PLEKHG6: variants seen among roughly 807,000 people sequenced by gnomAD.
PLEKHG6 encodes pleckstrin homology and RhoGEF domain containing G6.
In PLEKHG6, 91 loss-of-function variants were observed where a neutral mutation model predicts 97.5. The ratio of observed to expected loss-of-function variants is 0.93; its 90% CI spans 0.79 to 1.11. The LOEUF (loss-of-function observed/expected upper bound fraction) is 1.11, where lower values mean the gene tolerates loss of function less well. Ranked by LOEUF, PLEKHG6 falls within the 50% of genes most tolerant of loss-of-function variation. The probability of loss-of-function intolerance (pLI) is 0.00; values close to 1 mark genes in which losing one functional copy is unlikely to be tolerated. For synonymous variants in PLEKHG6, 466 were observed against 425.5 expected, an observed-to-expected ratio of 1.10 and a Z score of -1.17; for missense variants, 1,044 against 1,031.0, an observed-to-expected ratio of 1.01 and a Z score of -0.17.
intron 13 of PLEKHG6, among the ~76,000 whole-genome samples, chr12:6,320,946 C>G (rs1947682050): frequency 6.6e-6 from 1 of 152,162 alleles, no homozygotes; most frequent in Non-Finnish European, 1.5e-5. Context: ...TCTGCAGAAT[C>G]TCAGAGCTGC....
Position 6,312,280 on chromosome 12 carries a change from C to A in PLEKHG6, c.54C>A (p.Ser18=). The part of the protein sequence containing the change: ...HEGPLQGLVA[S]RIETYGGRHR... ...GCCCCCTCCAAGGACTCGTGGCCTC[C>A]CGCATTGAGACTTATGGGGGCCGGC... Residue 18 remains serine (S), a synonymous_variant, in exon 2 of 16, where the codon TCC becomes TCA. Coordinates refer to ENST00000684764, the MANE Select transcript of PLEKHG6 (RefSeq NM_001384598.1). 6.4e-7 allele frequency: 1 copy of A among 1,558,688 alleles called. No individual in the cohort carries two copies.
chr12:6,317,656 G>C lies in PLEKHG6; in HGVS notation c.977G>C (p.Arg326Thr). The C allele has an allele frequency of 1.2e-6, 2 of 1,613,980 alleles. No individual in the cohort carries two copies. Among genetic ancestry groups the C allele is most frequent in the Non-Finnish European group, 1.7e-6 (2 of 1,180,032 alleles). The change falls in exon 9 of 16, where the codon AGG (arginine) becomes ACG (threonine). Residue 326 changes from arginine to threonine, a missense_variant. Coordinates refer to ENST00000684764, the MANE Select transcript of PLEKHG6 (RefSeq NM_001384598.1). ...YPLLLHAVLKRSPEARAQEAL... is the reference protein window; with the variant it reads ...YPLLLHAVLKTSPEARAQEAL... ...CTGCTGCTCCATGCTGTGCTCAAGAGGAGCCCCGAGGCACGAGCCCAAGAG... is the reference window on the plus strand; with the variant it reads ...CTGCTGCTCCATGCTGTGCTCAAGACGAGCCCCGAGGCACGAGCCCAAGAG...
chr12:6,326,629 C>T, intron 14 of PLEKHG6, 56 bp downstream of exon 14: 4 of 1,381,896 alleles, frequency 2.9e-6, no homozygotes, highest in Non-Finnish European at 3.8e-6. Context: ...AGCCATAAGG[C>T]TGAGAAATGG....
At position 6,315,068 on chromosome 12, in the gene PLEKHG6, C is replaced by T. The variant is rs763775454; in HGVS notation, c.358C>T (p.Arg120Trp). 40 of 1,613,658 alleles carry T rather than the reference C, an allele frequency of 2.5e-5. 1 individual carries two copies. The South Asian group carries it at 3.6e-4, about 15-fold the overall frequency. ...LHTFSMFGMP[R>W]LPPEDRRHWE... ...CACTTTCAGCATGTTTGGGATGCCC[C>T]GGCTGCCCCCTGAGGACCGGCGGCA... is the stretch of plus-strand genomic sequence containing the variant. The change falls in exon 4 of 16, where the codon CGG becomes TGG. Residue 120 changes from arginine to tryptophan, a missense_variant. Coordinates refer to ENST00000684764, the MANE Select transcript of PLEKHG6 (RefSeq NM_001384598.1). This position sits in a 1 kb window ranked among gnomAD's most constrained non-coding sequence, Gnocchi z 4.5.
intron 13 of PLEKHG6, among the ~76,000 whole-genome samples, chr12:6,323,568 G>A (rs1047173861): frequency 6.6e-6 from 1 of 152,230 alleles, no homozygotes; most frequent in Non-Finnish European, 1.5e-5. Context: ...GAATGCCCAG[G>A]GACTGAGAAG....
chr12:6,314,513 GA>G (rs768263395), intron 3 of PLEKHG6, among the ~76,000 whole-genome samples: 6 of 145,800 alleles, frequency 4.1e-5, no homozygotes, highest in Non-Finnish European at 6.1e-5. Flanking sequence ...GTCTCAAAAG[GA>G]AAAAAAAAAG....
rs752710703 is a variant in PLEKHG6 at position 6,318,354 on chromosome 12, A to C, written c.1209A>C (p.Ala403=). 1 of 1,613,992 alleles carries C rather than the reference A, an allele frequency of 6.2e-7. No individual in the cohort carries two copies. The highest frequency in any genetic ancestry group is 1.3e-5 in the African/African-American group (1 of 75,032). Residue 403 remains alanine (A), a synonymous_variant, in exon 11 of 16, where the codon GCA becomes GCC. Transcript: ENST00000684764. ...TGACGTCCCCCATGCTGGGGGTTGC[A>C]TCTGAGCACACCAGACAGCTGCTGC... is the stretch of plus-strand genomic sequence containing the variant. The part of the protein sequence containing the change: ...LDLTSPMLGV[A]SEHTRQLLLE...
At chr12:6,312,021 C>T in intron 1 of PLEKHG6, 138 bp from the exon 2 acceptor site, 1 of 474,204 alleles carries the variant, frequency 2.1e-6, no homozygotes, top group Non-Finnish European at 3.7e-6. Context: ...CATGTTCCCC[C>T]CAACAAGTGA....
At chr12:6,326,366 C>T (rs1172045047) in intron 13 of PLEKHG6, 62 bp from the exon 14 acceptor site, 4 of 1,252,204 alleles carry the variant, frequency 3.2e-6, no homozygotes, top group East Asian at 2.3e-5. Flanking sequence ...TAGCAGGGTG[C>T]CTGGCAAACA....
rs746282288 is a variant in PLEKHG6, at chr12:6,317,365, C to T, written c.819C>T (p.Tyr273=). 1.6e-5 allele frequency: 26 copies of T among 1,613,948 alleles called. No homozygotes were observed. Among genetic ancestry groups the T allele is most frequent in the Admixed American group, 8.3e-5 (5 of 59,998 alleles). ...YCLRVKQTMA[Y]AREQQETNPL... is the part of the protein sequence containing the mutation. ...TCCGAGTGAAGCAGACCATGGCTTACGCCCGAGAACAGCAAGAAACTAACC... is the reference window on the plus strand; with the variant it reads ...TCCGAGTGAAGCAGACCATGGCTTATGCCCGAGAACAGCAAGAAACTAACC... The change falls in exon 8 of 16, where the codon TAC becomes TAT. Residue 273 remains tyrosine, a synonymous_variant. Transcript: ENST00000684764.
chr12:6,313,323 C>T lies in PLEKHG6; in HGVS notation c.139-306C>T, dbSNP rs1048458976. ...GAGAGCAGGAGGCAGTGGGGGCACA[C>T]ACACCAGAGCCCAGGCATGTGTGTG... is the stretch of plus-strand genomic sequence containing the variant. On this transcript the variant is annotated intron_variant, in intron 2 of 15. Coordinates refer to ENST00000684764, the MANE Select transcript of PLEKHG6 (RefSeq NM_001384598.1). The T allele has an allele frequency of 6.9e-6, 6 of 870,680 alleles. No homozygotes were observed. The Admixed American group carries it at 1.0e-4, about 15-fold the overall frequency. 53.9% of individuals were successfully genotyped at this position (870,680 alleles called of 1,614,324 possible).
intron 13 of PLEKHG6, among the ~76,000 whole-genome samples, chr12:6,323,042 C>T (rs56314433): frequency 2.6e-5 from 4 of 151,688 alleles, no homozygotes; most frequent in Admixed American, 1.3e-4. Context: ...TTTTTTCCTT[C>T]GGAACTGCCA....
chr12:6,312,508 G>A, intron 2 of PLEKHG6, 144 bp downstream of exon 2: 3 of 1,126,050 alleles, frequency 2.7e-6, no homozygotes, highest in South Asian at 3.7e-5. Context: ...TTGCGGGAAA[G>A]AGGAGGGCAG....
chr12:6,315,197 T>G lies in PLEKHG6; in HGVS notation c.459+28T>G. ...GAGCCTGAAACTCACAAGGTGAGTC[T>G]GTCCCCACGGCGTGAATGCACACAC... On this transcript the variant is annotated intron_variant, in intron 4 of 15. Transcript: ENST00000684764. The surrounding 1 kb of genome is among the most constrained non-coding windows in gnomAD (Gnocchi z 4.5). 1.3e-6 allele frequency: 2 copies of G among 1,598,208 alleles called. No homozygotes were observed. The highest frequency in any genetic ancestry group is 4.5e-5 in the East Asian group (2 of 44,640).
intron 2 of PLEKHG6, chr12:6,313,201 C>T (rs1315361292): frequency 4.8e-5 from 74 of 1,547,340 alleles, no homozygotes; most frequent in Non-Finnish European, 6.4e-5. Flanking sequence ...GTGCCCTCGT[C>T]CCCATGTGTG....
intron 3 of PLEKHG6, among the ~76,000 whole-genome samples, chr12:6,314,525 A>T (rs1463919400): frequency 6.6e-6 from 1 of 151,882 alleles, no homozygotes; most frequent in Non-Finnish European, 1.5e-5. Flanking sequence ...AAAAAAAAAG[A>T]AACCTGTAAA....
intron 13 of PLEKHG6, among the ~76,000 whole-genome samples, chr12:6,321,914 G>T (rs1053260890): frequency 1.3e-5 from 2 of 151,544 alleles, no homozygotes; most frequent in Non-Finnish European, 2.9e-5. Context: ...AAAAATCCAG[G>T]TTCAGACACC....
In PLEKHG6 at chr12:6,328,210, A is replaced by T; in HGVS notation, c.*65A>T. ...AGATCTCTCCCCAGTAGTGCTGGTC[A>T]CCCTCCGGCATCTGTGACTCTACCT... On this transcript the variant is annotated 3_prime_UTR_variant, in exon 16 of 16. Transcript: ENST00000684764. 1 of 1,523,120 alleles carries T rather than the reference A, an allele frequency of 6.6e-7. No individual in the cohort carries two copies. Among genetic ancestry groups the T allele is most frequent in the Non-Finnish European group, 9.1e-7 (1 of 1,099,008 alleles). The allele number at this position is 1,523,120 out of a possible 1,614,324, so 94.4% of individuals were successfully genotyped here. A position where few individuals can be genotyped will look rare whatever the true frequency, so the allele number is the denominator to read the frequency against.
In PLEKHG6 at chr12:6,327,718, C is replaced by A. The variant is rs1947915782; in HGVS notation, c.2135C>A (p.Ser712Ter). Residue 712 changes from serine (S) to a stop codon, truncating the protein, a stop_gained, in exon 15 of 16, where the codon TCA (serine) becomes TAA (stop). Transcript: ENST00000684764. LOFTEE classifies it high-confidence loss of function. ...DSAGESPWES[S>*]GEEEEEGPLF... is the part of the protein sequence containing the mutation. The stretch of plus-strand genomic sequence containing the variant: ...GCCGGGGAAAGCCCCTGGGAGTCCT[C>A]AGGGGAGGAGGAAGAAGAGGGGCCT... 6.4e-7 allele frequency: 1 copy of A among 1,558,934 alleles called. No homozygotes were observed. The highest frequency in any genetic ancestry group is 2.0e-5 in the Admixed American group (1 of 50,378).
Sources: allele counts gnomAD v4.1 joint callset (sites outside exome capture counted in the v4.1 genomes callset), GRCh38; gene constraint gnomAD v4.1.1; non-coding constraint Gnocchi (gnomAD v3.1); transcripts MANE v1.5; gene names NCBI Gene and HGNC (gene_info 2026-07-23, HGNC 2026-07-21).